Variants in FANCI observed in about 807,000 individuals in gnomAD.
The protein encoded by FANCI is Fanconi anemia group I protein.
FANCI carries 156 observed loss-of-function variants against 176.1 expected under a neutral mutation model. The ratio of observed to expected loss-of-function variants is 0.89; its 90% CI spans 0.78 to 1.01. FANCI has a LOEUF of 1.01. FANCI is among the 50% of genes least tolerant of loss of function. The pLI is 0.00. For synonymous variants in FANCI, 613 were observed against 541.7 expected, an observed-to-expected ratio of 1.13 and a Z score of -1.83; for missense variants, 1,678 against 1,534.1, an observed-to-expected ratio of 1.09 and a Z score of -1.57.
At chr15:89,289,960 G>A (rs1203444932) in intron 18 of FANCI, among the ~76,000 whole-genome samples, 2 of 152,056 alleles carry the variant, frequency 1.3e-5, no homozygotes, top group Admixed American at 1.3e-4. Context: ...CCACAGTGCT[G>A]GGATTACAGG....
intron 35 of FANCI, among the ~76,000 whole-genome samples, chr15:89,313,846 T>TGG (rs2055064176): frequency 1.3e-5 from 2 of 152,046 alleles, no homozygotes; most frequent in Non-Finnish European, 2.9e-5. Flanking sequence ...TCTCTGGAAT[T>TGG]ATCTCCAAGA....
intron 4 of FANCI, among the ~76,000 whole-genome samples, chr15:89,261,290 G>T (rs2052703043): frequency 6.6e-6 from 1 of 151,870 alleles, no homozygotes; most frequent in South Asian, 2.1e-4. Context: ...GCAGATGAAT[G>T]GGTTATAATC....
chr15:89,268,617 A>G, intron 10 of FANCI, 92 bp downstream of exon 10: 1 of 1,494,322 alleles, frequency 6.7e-7, no homozygotes, highest in South Asian at 1.1e-5. Flanking sequence ...ACAGGAAATA[A>G]ATACTGTAAA....
intron 30 of FANCI, 22 bp downstream of exon 30, chr15:89,305,431 T>A (rs1320870929): frequency 2.5e-6 from 4 of 1,613,074 alleles, no homozygotes; most frequent in Non-Finnish European, 3.4e-6. Context: ...ACCTGAGCCA[T>A]GGGGAATAGC....
intron 1 of FANCI, among the ~76,000 whole-genome samples, chr15:89,246,491 C>T (rs980691342): frequency 6.6e-6 from 1 of 152,158 alleles, no homozygotes; most frequent in Non-Finnish European, 1.5e-5. Flanking sequence ...GCCTATCTTT[C>T]CAGACTTCCT....
At chr15:89,262,323 T>A (rs1453003860) in intron 6 of FANCI, among the ~76,000 whole-genome samples, 1 of 152,112 alleles carries the variant, frequency 6.6e-6, no homozygotes, top group South Asian at 2.1e-4. Flanking sequence ...TCTGGGAATC[T>A]ACATTAAAGA....
In FANCI at chr15:89,263,958, A is replaced by G. The variant is rs774564150; in HGVS notation, c.601A>G (p.Met201Val). ...VEFVVEKALS[M>V]FSKMNLQEIP... ...ATTTGTGGTGGAAAAAGCATTGAGC[A>G]TGTTCTCCAAGATGAATCTTCAAGA... Residue 201 changes from methionine (M) to valine (V), a missense_variant, in exon 8 of 38, where the codon ATG (methionine) becomes GTG (valine). Around this residue, in one of 3 missense-constraint regions of FANCI, gnomAD observed 469 missense variants for 436.9 expected, o/e 1.07. Coordinates refer to ENST00000310775, the MANE Select transcript of FANCI (RefSeq NM_001113378.2). 30 of 1,613,986 alleles carry G rather than the reference A, an allele frequency of 1.9e-5. No homozygotes were observed. The highest frequency in any genetic ancestry group is 3.3e-4 in the Middle Eastern group (2 of 6,080).
chr15:89,268,516 A>T lies in FANCI; in HGVS notation c.873A>T (p.Lys291Asn), dbSNP rs1449469435. Residue 291 changes from lysine (K) to asparagine (N), a missense_variant, in exon 10 of 38, where the codon AAA becomes AAT. Physicochemically the swap from Lys to Asn is moderately conservative, Grantham distance 94. Coordinates refer to ENST00000310775, the MANE Select transcript of FANCI (RefSeq NM_001113378.2). ...ATGAACTAGGCAGAGAACTCGTGAA[A>T]CACTTAAAGGTAGCATCAAACTTGT... ...LDYELGRELVKHLKVGQQGDS... is the reference protein window; with the variant it reads ...LDYELGRELVNHLKVGQQGDS... The T allele has an allele frequency of 6.2e-7, 1 of 1,614,224 alleles. No individual in the cohort carries two copies. Among genetic ancestry groups the T allele is most frequent in the South Asian group, 1.1e-5 (1 of 91,090 alleles).
intron 34 of FANCI, among the ~76,000 whole-genome samples, chr15:89,310,661 G>C (rs1041680228): frequency 6.6e-6 from 1 of 152,218 alleles, no homozygotes; most frequent in Admixed American, 6.5e-5. Context: ...ATTAACTCCA[G>C]CTCTTAACTA....
chr15:89,307,587 T>G (rs1445897667), intron 33 of FANCI, 26 bp from the exon 34 acceptor site: 2 of 1,614,202 alleles, frequency 1.2e-6, no homozygotes, highest in South Asian at 2.2e-5. Flanking sequence ...CTGGTTACAT[T>G]GGTTTCCTTC....
chr15:89,285,221 A>T lies in FANCI; in HGVS notation c.1821+3A>T. On this transcript the variant is annotated splice_donor_region_variant and intron_variant, in intron 18 of 37. Coordinates refer to ENST00000310775, the MANE Select transcript of FANCI (RefSeq NM_001113378.2). ...ATGTTCGACTCATGCTTTATGAGGT[A>T]AGTCCGTAGAATGGAAAGAATGTAG... 1 of 1,614,098 alleles carries T rather than the reference A, an allele frequency of 6.2e-7. No individual in the cohort carries two copies.
chr15:89,294,103 G>GGTTTTATTTT, intron 23 of FANCI, 106 bp downstream of exon 23: 1 of 1,280,646 alleles, frequency 7.8e-7, no homozygotes, highest in South Asian at 1.2e-5. Flanking sequence ...TAAGAAATAA[G>GGTTTTATTTT]TCAGGAGGTT....
chr15:89,305,087 T>TTTAA, intron 28 of FANCI, 28 bp from the exon 29 acceptor site: 1 of 1,612,792 alleles, frequency 6.2e-7, no homozygotes, highest in Non-Finnish European at 8.5e-7. Flanking sequence ...CAACTTACCT[T>TTTAA]TTAATTTGCT....
At chr15:89,279,554 A>G (rs1356259375) in intron 14 of FANCI, among the ~76,000 whole-genome samples, 1 of 152,176 alleles carries the variant, frequency 6.6e-6, no homozygotes, top group African/African-American at 2.4e-5. Flanking sequence ...ATCACTGTTT[A>G]TAACTCCCCT....
chr15:89,279,091 G>A (rs563221240), intron 14 of FANCI, among the ~76,000 whole-genome samples: 1 of 152,278 alleles, frequency 6.6e-6, no homozygotes, highest in South Asian at 2.1e-4. Context: ...TTTTAGCCTT[G>A]ACATTTGGAC....
chr15:89,316,585 A>G lies in FANCI; in HGVS notation c.*126A>G, dbSNP rs1405923961. Reference sequence around the variant, plus strand: ...CTTGGTTCTGAACCCACTGAATTCAACTGCACCTTCAGTTAGAAGGAATCT... The same window carrying G: ...CTTGGTTCTGAACCCACTGAATTCAGCTGCACCTTCAGTTAGAAGGAATCT... On this transcript the variant is annotated 3_prime_UTR_variant, in exon 38 of 38. Transcript: ENST00000310775. 5.3e-6 allele frequency: 6 copies of G among 1,124,364 alleles called. No individual in the cohort carries two copies. The highest frequency in any genetic ancestry group is 8.0e-6 in the Non-Finnish European group (6 of 754,258). 69.6% of individuals were successfully genotyped at this position (1,124,364 alleles called of 1,614,324 possible). A position where few individuals can be genotyped will look rare whatever the true frequency, so the allele number is the denominator to read the frequency against.
In FANCI at chr15:89,293,965, A is replaced by G. The variant is rs1334587536; in HGVS notation, c.2424A>G (p.Lys808=). 1 of 1,614,148 alleles carries G rather than the reference A, an allele frequency of 6.2e-7. No individual in the cohort carries two copies. Among genetic ancestry groups the G allele is most frequent in the Non-Finnish European group, 8.5e-7 (1 of 1,180,012 alleles). The part of the protein sequence containing the change: ...NKTSDSLLSM[K]FVSSLLTALF... ...CAAGTGATAGTCTTTTGTCCATGAA[A>G]TTTGTGTCCAGTCTTCTCACTGCTC... is the stretch of plus-strand genomic sequence containing the variant. The change falls in exon 23 of 38, where the codon AAA becomes AAG. Residue 808 remains lysine (K), a synonymous_variant. Transcript: ENST00000310775.
chr15:89,294,187 C>A (rs952027772), intron 23 of FANCI, among the ~76,000 whole-genome samples, 190 bp downstream of exon 23: 2 of 152,100 alleles, frequency 1.3e-5, no homozygotes, highest in African/African-American at 4.8e-5. Context: ...TATTAAAGGA[C>A]AAATGAGAAA....
At chr15:89,287,002 T>A (rs2053844835) in intron 18 of FANCI, among the ~76,000 whole-genome samples, 1 of 145,136 alleles carries the variant, frequency 6.9e-6, no homozygotes, top group African/African-American at 2.6e-5. Flanking sequence ...TTTTTTTGAG[T>A]CTCACTCTGT....
Sources: gnomAD v4.1 joint callset for allele counts (sites outside exome capture counted in the v4.1 genomes callset) on GRCh38, gnomAD v4.1.1 for gene constraint, gnomAD v4.1.1 regional missense constraint, MANE v1.5 for transcripts, NCBI Gene and HGNC (gene_info 2026-07-23, HGNC 2026-07-21) for gene names.